The following CHRFAM7A variants were observed in gnomAD, a reference collection of about 807,000 sequenced individuals.
The protein encoded by CHRFAM7A is CHRNA7-FAM7A fusion protein.
Under a neutral mutation model 29.2 loss-of-function variants are expected in CHRFAM7A, and 3 were observed. The observed-to-expected ratio is 0.10, with a 90% CI of 0.05 to 0.27. The LOEUF (loss-of-function observed/expected upper bound fraction) is 0.27, where lower values mean the gene tolerates loss of function less well. Ranked by LOEUF, CHRFAM7A falls within the 10% of genes least tolerant of loss-of-function variation. The pLI is 1.00. For missense variants in CHRFAM7A, 22 were observed against 328.0 expected (o/e 0.07, Z 7.21); for synonymous variants, 7 against 135.4 (o/e 0.05, Z 6.58).
At chr15:30,376,124 G>GGTGT (rs112532606) in intron 5 of CHRFAM7A, among the ~76,000 whole-genome samples, 4,707 of 145,660 alleles carry the variant, frequency 0.032, 19 homozygotes, top group African/African-American at 0.11. Flanking sequence ...AGTACTGAGT[G>GGTGT]GTGTGTGTGT....
chr15:30,373,541 T>TGTGC (rs2058889367), intron 5 of CHRFAM7A, among the ~76,000 whole-genome samples: 1 of 133,062 alleles, frequency 7.5e-6, no homozygotes, highest in Non-Finnish European at 1.7e-5. Flanking sequence ...TGTGTGTGTG[T>TGTGC]GTGTCTGTTT....
Position 30,360,706 on chromosome 15 carries a change from T to C in CHRFAM7A, c.*1587A>G, listed in dbSNP as rs2058738107. On this transcript the variant is annotated 3_prime_UTR_variant, in exon 10 of 10. Coordinates refer to ENST00000299847, the MANE Select transcript of CHRFAM7A (RefSeq NM_139320.2). ...TATAATTTTGAGCTCTGAGCAGTTG[T>C]TGGATGACACAATGGAACAGGAGAG... 1 of 3,450 alleles carries C rather than the reference T, an allele frequency of 2.9e-4. No homozygotes were observed. The highest frequency in any genetic ancestry group is 1.1e-3 in the African/African-American group (1 of 886). 0.2% of individuals were successfully genotyped at this position (3,450 alleles called of 1,614,324 possible). A position where few individuals can be genotyped will look rare whatever the true frequency, so the allele number is the denominator to read the frequency against.
intron 5 of CHRFAM7A, among the ~76,000 whole-genome samples, chr15:30,376,038 GTGT>G (rs1383687587): frequency 6.6e-6 from 1 of 152,260 alleles, no homozygotes; most frequent in African/African-American, 2.4e-5. Flanking sequence ...AGTGGTGTGT[GTGT>G]TGTGTGAACA....
rs1238602068 is a variant in CHRFAM7A, at chr15:30,371,450, C to T, written c.524-266G>A. 2.0e-5 allele frequency among the ~76,000 whole-genome samples: 3 copies of T among 147,974 alleles called. 1 individual carries two copies. Among genetic ancestry groups the T allele is most frequent in the Non-Finnish European group, 4.5e-5 (3 of 66,800 alleles). On this transcript the variant is annotated intron_variant, in intron 7 of 9. Coordinates refer to ENST00000299847, the MANE Select transcript of CHRFAM7A (RefSeq NM_139320.2). ...CATCAACACAAACTGAAAAATTTAACTTGGCACAATTATCTTTCATATTCT... is the reference window on the plus strand; with the variant it reads ...CATCAACACAAACTGAAAAATTTAATTTGGCACAATTATCTTTCATATTCT...
rs1235660969 is a variant in CHRFAM7A at position 30,367,082 on chromosome 15, C to T, written c.720+336G>A. ...GCAGATCACGAGGTCAGGAGTTCGA[C>T]ATCAGCCTGGCCAACATAGTGAAAC... On this transcript the variant is annotated intron_variant, in intron 9 of 9. Coordinates refer to ENST00000299847, the MANE Select transcript of CHRFAM7A (RefSeq NM_139320.2). Among the ~76,000 whole-genome samples, 5 of 149,940 alleles carry T rather than the reference C, an allele frequency of 3.3e-5. 1 individual carries two copies. The highest frequency in any genetic ancestry group is 1.5e-5 in the Non-Finnish European group (1 of 67,480).
intron 5 of CHRFAM7A, among the ~76,000 whole-genome samples, chr15:30,375,426 T>A (rs1453527196): frequency 6.7e-6 from 1 of 149,262 alleles, no homozygotes; most frequent in African/African-American, 2.5e-5. Context: ...CAGGGATAAA[T>A]GCTAAGGTGA....
At chr15:30,376,477 A>G (rs1270277825) in intron 5 of CHRFAM7A, among the ~76,000 whole-genome samples, 2 of 35,416 alleles carry the variant, frequency 5.6e-5, no homozygotes, top group Non-Finnish European at 1.2e-4. Flanking sequence ...CAATCCAGGG[A>G]GCACTTAGCC....
At chr15:30,373,523 G>GGTGTGTGTGT (rs141612625) in intron 5 of CHRFAM7A, among the ~76,000 whole-genome samples, 2 of 114,398 alleles carry the variant, frequency 1.7e-5, no homozygotes, top group South Asian at 2.8e-4. Context: ...GAATCTAAAA[G>GGTGTGTGTGT]GTGTGTGTGT....
rs1477241651 is a variant in CHRFAM7A at position 30,361,393 on chromosome 15, AAC to A, written c.*898_*899del. The A allele has an allele frequency of 8.2e-6, 1 of 122,500 alleles. No individual in the cohort carries two copies. The highest frequency in any genetic ancestry group is 1.7e-5 in the Non-Finnish European group (1 of 58,276). The allele number at this position is 122,500 out of a possible 1,614,324, so 7.6% of individuals were successfully genotyped here. The stretch of plus-strand genomic sequence containing the variant: ...TAACTCCAGTGCATGTGAATCAGCT[AAC>A]ACATTATTTTTTTAAAGCCCACGTA... On this transcript the variant is annotated 3_prime_UTR_variant, in exon 10 of 10. Coordinates refer to ENST00000299847, the MANE Select transcript of CHRFAM7A (RefSeq NM_139320.2).
chr15:30,392,626 C>T (rs2059005782), intron 1 of CHRFAM7A, among the ~76,000 whole-genome samples: 1 of 18,668 alleles, frequency 5.4e-5, no homozygotes, highest in African/African-American at 9.9e-5. Context: ...TCTCAGCTCA[C>T]TGTAACCTCC....
intron 9 of CHRFAM7A, among the ~76,000 whole-genome samples, 161 bp downstream of exon 9, chr15:30,367,257 G>T (rs1387758155): frequency 6.6e-6 from 1 of 151,242 alleles, no homozygotes; most frequent in African/African-American, 2.4e-5. Flanking sequence ...CTGCACTCCA[G>T]CCTGGGTGAC....
rs369675325 is a variant in CHRFAM7A, at chr15:30,372,964, G to C, written c.328+14C>G. 5.4e-5 allele frequency: 87 copies of C among 1,602,770 alleles called. 3 individuals are homozygous for C. Among genetic ancestry groups the C allele is most frequent in the Non-Finnish European group, 6.9e-5 (81 of 1,172,504 alleles). ...AGGAAAGCTTTCTTCCAGGCGGTTA[G>C]TCTCATGGCTTACCCACTAGGTCCC... On this transcript the variant is annotated intron_variant, in intron 6 of 9. Coordinates refer to ENST00000299847, the MANE Select transcript of CHRFAM7A (RefSeq NM_139320.2).
chr15:30,375,778 A>AGT (rs932971484), intron 5 of CHRFAM7A, among the ~76,000 whole-genome samples: 1 of 131,206 alleles, frequency 7.6e-6, no homozygotes, highest in Non-Finnish European at 1.6e-5. Context: ...GTGGTGTGTG[A>AGT]GTGTTGAGTC....
chr15:30,376,126 TG>T lies in CHRFAM7A; in HGVS notation c.160+903del, dbSNP rs1258541201. On this transcript the variant is annotated intron_variant, in intron 5 of 9. Coordinates refer to ENST00000299847, the MANE Select transcript of CHRFAM7A (RefSeq NM_139320.2). ...AGTGGTGTGTGTGAGTACTGAGTGGTGTGTGTGTGTGAGGTGTGTGTGAGTG... is the reference window on the plus strand; with the variant it reads ...AGTGGTGTGTGTGAGTACTGAGTGGTTGTGTGTGTGAGGTGTGTGTGAGTG... Among the ~76,000 whole-genome samples the T allele has an allele frequency of 3.0e-4, 44 of 146,126 alleles. No homozygotes were observed. In the East Asian group the frequency reaches 3.2e-3, roughly 11 times the overall value.
chr15:30,369,028 G>T (rs145889011), intron 8 of CHRFAM7A, among the ~76,000 whole-genome samples: 7,067 of 146,454 alleles, frequency 0.048, 573 homozygotes, highest in Middle Eastern at 0.13. Flanking sequence ...CAGAAGTGTT[G>T]TGTAAGTAGA....
At chr15:30,370,999 T>C in intron 8 of CHRFAM7A, 99 bp downstream of exon 8, 1 of 1,515,936 alleles carries the variant, frequency 6.6e-7, no homozygotes, top group Non-Finnish European at 9.1e-7. Flanking sequence ...ATGGGGGCAG[T>C]GCAGCCGTAT....
chr15:30,361,693 A>T lies in CHRFAM7A; in HGVS notation c.*600T>A, dbSNP rs1595494834. The T allele has an allele frequency of 2.0e-5, 1 of 50,374 alleles. No individual in the cohort carries two copies. The highest frequency in any genetic ancestry group is 6.1e-5 in the African/African-American group (1 of 16,324). 3.1% of individuals were successfully genotyped at this position (50,374 alleles called of 1,614,324 possible). A position where few individuals can be genotyped will look rare whatever the true frequency, so the allele number is the denominator to read the frequency against. ...TAAAAACATCCTTAGTAAGACCAACAGTCTGTCTTTTTTTTTTTTTTTTTT... is the reference window on the plus strand; with the variant it reads ...TAAAAACATCCTTAGTAAGACCAACTGTCTGTCTTTTTTTTTTTTTTTTTT... On this transcript the variant is annotated 3_prime_UTR_variant, in exon 10 of 10. Transcript: ENST00000299847.
chr15:30,376,127 G>GT (rs2058932827), intron 5 of CHRFAM7A, among the ~76,000 whole-genome samples: 1 of 148,672 alleles, frequency 6.7e-6, no homozygotes, highest in African/African-American at 2.5e-5. Context: ...ACTGAGTGGT[G>GT]TGTGTGTGTG....
At position 30,373,470 on chromosome 15, in the gene CHRFAM7A, TATCTC is replaced by T. The variant is rs748258979; in HGVS notation, c.161-330_161-326del. Among the ~76,000 whole-genome samples, 60 of 134,958 alleles carry T rather than the reference TATCTC, an allele frequency of 4.4e-4. 1 individual carries two copies. The East Asian group carries it at 9.0e-3, about 20-fold the overall frequency. The allele number at this position is 134,958 out of a possible 152,430, so 88.5% of individuals were successfully genotyped here. On this transcript the variant is annotated intron_variant, in intron 5 of 9. Transcript: ENST00000299847. Reference sequence around the variant, plus strand: ...AATAATAAAAGTAAAGAATGCAAAATATCTCAGAGAAGTTGATAACCCTGATGATG... The same window carrying T: ...AATAATAAAAGTAAAGAATGCAAAATAGAGAAGTTGATAACCCTGATGATG...
Sources: gnomAD v4.1 joint callset for allele counts (sites outside exome capture counted in the v4.1 genomes callset) on GRCh38, gnomAD v4.1.1 for gene constraint, MANE v1.5 for transcripts, NCBI Gene and HGNC (gene_info 2026-07-23, HGNC 2026-07-21) for gene names.